FAM227A: variants seen among roughly 807,000 people sequenced by gnomAD.
FAM227A encodes the protein protein FAM227A.
FAM227A carries 80 observed loss-of-function variants against 74.7 expected under a neutral mutation model. The observed-to-expected ratio is 1.07, with a 90% CI of 0.89 to 1.29. FAM227A has a LOEUF of 1.29. FAM227A is among the 50% of genes most tolerant of loss of function. The probability of loss-of-function intolerance (pLI) is 0.00; values close to 1 mark genes in which losing one functional copy is unlikely to be tolerated. For synonymous variants in FAM227A, 237 were observed against 241.8 expected (o/e 0.98, Z 0.19); for missense variants, 654 against 683.4 (o/e 0.96, Z 0.48).
intron 11 of FAM227A, among the ~76,000 whole-genome samples, chr22:38,613,084 A>ATATATATTATATATAAT (rs1355254094): frequency 0.013 from 1,162 of 87,172 alleles, 10 homozygotes; most frequent in Non-Finnish European, 0.019. Flanking sequence ...ATATATAATT[A>ATATATATTATATATAAT]TATATATATA....
chr22:38,613,147 T>A (rs1367311951), intron 11 of FAM227A, among the ~76,000 whole-genome samples: 4 of 88,364 alleles, frequency 4.5e-5, no homozygotes, highest in African/African-American at 2.0e-4. Context: ...ATATATATAT[T>A]ATATATTATA....
At chr22:38,652,682 C>T (rs903920315) in intron 1 of FAM227A, among the ~76,000 whole-genome samples, 2 of 150,820 alleles carry the variant, frequency 1.3e-5, no homozygotes, top group Admixed American at 6.6e-5. Context: ...GTCAGGAGAT[C>T]GAGACCATTC....
At chr22:38,586,737 C>T (rs1351493634) in intron 16 of FAM227A, among the ~76,000 whole-genome samples, 1 of 152,056 alleles carries the variant, frequency 6.6e-6, no homozygotes, top group African/African-American at 2.4e-5. Context: ...GGCGCGATCT[C>T]AGCTCACTGC....
chr22:38,632,506 G>A (rs150273442), intron 6 of FAM227A, among the ~76,000 whole-genome samples: 4 of 152,258 alleles, frequency 2.6e-5, no homozygotes, highest in Non-Finnish European at 5.9e-5. Context: ...TCTTGAACCT[G>A]CCAGCCTCCA....
intron 11 of FAM227A, among the ~76,000 whole-genome samples, chr22:38,614,995 T>G (rs1253952150): frequency 6.6e-6 from 1 of 152,110 alleles, no homozygotes; most frequent in Non-Finnish European, 1.5e-5. Context: ...TCCAGAAATA[T>G]TTGTTAAGTG....
Position 38,628,238 on chromosome 22 carries a change from T to C in FAM227A, c.726A>G (p.Lys242=). 2 of 1,536,292 alleles carry C rather than the reference T, an allele frequency of 1.3e-6. No homozygotes were observed. Among genetic ancestry groups the C allele is most frequent in the Non-Finnish European group, 1.8e-6 (2 of 1,133,048 alleles). The change falls in exon 8 of 17, where the codon AAA becomes AAG. Residue 242 remains lysine, a splice_region_variant and synonymous_variant. Coordinates refer to ENST00000535113, the MANE Select transcript of FAM227A (RefSeq NM_001013647.2). The part of the protein sequence containing the change: ...PKSHSEEALL[K]RLPSLLSKAV... Reference sequence around the variant, plus strand: ...TTTCTAGATAGTGGCTGATGCTCACTTTTAAGAGCGCCTCTTCAGAGTGGG... The same window carrying C: ...TTTCTAGATAGTGGCTGATGCTCACCTTTAAGAGCGCCTCTTCAGAGTGGG...
At position 38,605,300 on chromosome 22, in the gene FAM227A, T is replaced by C; in HGVS notation, c.1175A>G (p.Lys392Arg). 1.3e-6 allele frequency: 2 copies of C among 1,551,456 alleles called. No homozygotes were observed. Among genetic ancestry groups the C allele is most frequent in the Non-Finnish European group, 8.7e-7 (1 of 1,146,354 alleles). The change falls in exon 13 of 17, where the codon AAG becomes AGG. Residue 392 changes from lysine (K) to arginine (R), a missense_variant. By Grantham distance (26) the Lys-to-Arg change is conservative. Coordinates refer to ENST00000535113, the MANE Select transcript of FAM227A (RefSeq NM_001013647.2). ...ACATTCTCTTGCTTCTGATATCCTC[T>C]TGACTTCTTGCGTAGGTTTCTTCAA... ...LVLKKPTQEVKRISEARECEN... is the reference protein window; with the variant it reads ...LVLKKPTQEVRRISEARECEN...
At chr22:38,636,310 TA>T in intron 6 of FAM227A, 140 bp downstream of exon 6, 1 of 863,292 alleles carries the variant, frequency 1.2e-6, no homozygotes, top group Non-Finnish European at 1.7e-6. Context: ...GAGGTTGGGC[TA>T]GGGTTCCTAG....
At chr22:38,590,279 CAA>C (rs71197120) in intron 16 of FAM227A, among the ~76,000 whole-genome samples, 70 of 57,992 alleles carry the variant, frequency 1.2e-3, no homozygotes, top group South Asian at 1.9e-3. Flanking sequence ...GACTCCATCT[CAA>C]AAAAAAAAAA....
At chr22:38,653,761 C>A (rs909558882) in intron 1 of FAM227A, 16 of 152,104 alleles carry the variant, frequency 1.1e-4, no homozygotes, top group African/African-American at 3.6e-4. Context: ...TTCCTGAAGC[C>A]AAAAAGGTTG....
intron 6 of FAM227A, among the ~76,000 whole-genome samples, chr22:38,633,131 G>A (rs1259913022): frequency 6.6e-6 from 1 of 152,190 alleles, no homozygotes; most frequent in Non-Finnish European, 1.5e-5. Flanking sequence ...AGGTAACGGA[G>A]GAGAGGATTT....
chr22:38,601,851 G>A (rs1206523698), intron 13 of FAM227A, among the ~76,000 whole-genome samples: 1 of 152,086 alleles, frequency 6.6e-6, no homozygotes, highest in Admixed American at 6.5e-5. Flanking sequence ...AATCTGGGGA[G>A]GAACAGGCTG....
intron 3 of FAM227A, 111 bp from the exon 4 acceptor site, chr22:38,639,835 A>G: frequency 1.3e-6 from 1 of 758,952 alleles, no homozygotes; most frequent in Non-Finnish European, 2.3e-6. Flanking sequence ...ACCTGGAGCA[A>G]AGTTTGTGGA....
chr22:38,639,853 T>C, intron 3 of FAM227A, 129 bp from the exon 4 acceptor site: 1 of 691,578 alleles, frequency 1.4e-6, no homozygotes, highest in South Asian at 1.7e-5. Context: ...GGACAGTGCC[T>C]TGTCTTTCCA....
At chr22:38,626,436 C>A (rs1428448688) in intron 8 of FAM227A, 133 bp from the exon 9 acceptor site, 2 of 1,123,520 alleles carry the variant, frequency 1.8e-6, no homozygotes, top group East Asian at 5.4e-5. Context: ...AAGGTTCTCA[C>A]TGTGTTACCC....
At chr22:38,605,858 C>T (rs2091272302) in intron 12 of FAM227A, among the ~76,000 whole-genome samples, 1 of 152,132 alleles carries the variant, frequency 6.6e-6, no homozygotes, top group Non-Finnish European at 1.5e-5. Context: ...ACATAATTCG[C>T]ATACTAACTT....
At position 38,582,069 on chromosome 22, in the gene FAM227A, G is replaced by A. The variant is rs553137114; in HGVS notation, c.*4056C>T. ...GTTCGTTTTTTAACAAAGCTTTATCGAAGTATAATTGACATATGAGAAACT... is the reference window on the plus strand; with the variant it reads ...GTTCGTTTTTTAACAAAGCTTTATCAAAGTATAATTGACATATGAGAAACT... On this transcript the variant is annotated 3_prime_UTR_variant, in exon 17 of 17. Coordinates refer to ENST00000535113, the MANE Select transcript of FAM227A (RefSeq NM_001013647.2). The A allele has an allele frequency of 6.1e-5, 21 of 342,690 alleles. No individual in the cohort carries two copies. The highest frequency in any genetic ancestry group is 3.0e-4 in the African/African-American group (14 of 47,124). 21.2% of individuals were successfully genotyped at this position (342,690 alleles called of 1,614,324 possible). A position where few individuals can be genotyped will look rare whatever the true frequency, so the allele number is the denominator to read the frequency against.
chr22:38,624,389 CAA>C (rs796578074), intron 9 of FAM227A, among the ~76,000 whole-genome samples: 2 of 136,934 alleles, frequency 1.5e-5, no homozygotes, highest in African/African-American at 2.7e-5. Context: ...AACTCCATCT[CAA>C]AAAAAAAAAA....
chr22:38,606,949 C>A (rs1242508798), intron 12 of FAM227A, among the ~76,000 whole-genome samples: 2 of 151,988 alleles, frequency 1.3e-5, no homozygotes, highest in Non-Finnish European at 2.9e-5. Context: ...GAGGCCGAGG[C>A]GGGAGGATCA....
Sources: gnomAD v4.1 joint callset for allele counts (sites outside exome capture counted in the v4.1 genomes callset) on GRCh38, gnomAD v4.1.1 for gene constraint, MANE v1.5 for transcripts, NCBI Gene and HGNC (gene_info 2026-07-23, HGNC 2026-07-21) for gene names.